The following NOL4L variants were observed in gnomAD, a reference collection of about 807,000 sequenced individuals.
NOL4L encodes the protein nucleolar protein 4 like, also known as nucleolar protein 4-like.
A neutral mutation model predicts 64.5 loss-of-function variants in NOL4L; 7 were observed. The ratio of observed to expected loss-of-function variants is 0.11; its 90% CI spans 0.06 to 0.20. NOL4L has a LOEUF of 0.20. Among genes scored for constraint, NOL4L ranks in the 10% least tolerant of loss-of-function variants. NOL4L has a pLI of 1.00. For synonymous variants in NOL4L, 413 were observed against 401.0 expected (o/e 1.03, Z -0.36); for missense variants, 680 against 967.1 (o/e 0.70, Z 3.94).
chr20:32,462,903 T>TGAAAAAAAAAAAAAA (rs1555790668), intron 5 of NOL4L, among the ~76,000 whole-genome samples: 1 of 76,668 alleles, frequency 1.3e-5, no homozygotes, highest in Non-Finnish European at 2.4e-5. Flanking sequence ...GACTCTGTCT[T>TGAAAAAAAAAAAAAA]AAAAAAAAAA....
Position 32,446,151 on chromosome 20 carries a change from T to TGGGGGCC in NOL4L, c.*1438_*1444dup, listed in dbSNP as rs1014412221. 6.6e-6 allele frequency: 1 copy of TGGGGGCC among 152,444 alleles called. No homozygotes were observed. The highest frequency in any genetic ancestry group is 1.5e-5 in the Non-Finnish European group (1 of 68,228). 9.4% of individuals were successfully genotyped at this position (152,444 alleles called of 1,614,324 possible). On this transcript the variant is annotated 3_prime_UTR_variant, in exon 11 of 11. Transcript: ENST00000621426. ...TACGGAGTGTTGCACGGAGAGGCCC[T>TGGGGGCC]GGGGGCCTGCTGAGGTCTGGGCGAG...
At chr20:32,470,270 A>G (rs1416623427) in intron 5 of NOL4L, among the ~76,000 whole-genome samples, 1 of 152,232 alleles carries the variant, frequency 6.6e-6, no homozygotes, top group Non-Finnish European at 1.5e-5. Flanking sequence ...GCTGAAGCAC[A>G]TCCAGGGGAA....
rs190971773 is a variant in NOL4L, at chr20:32,460,631, C to G, written c.842-4236G>C. On this transcript the variant is annotated intron_variant, in intron 5 of 10. Transcript: ENST00000621426. The surrounding 1 kb of genome is among the most constrained non-coding windows in gnomAD (Gnocchi z 5.7). ...ATGGGGCAGGAGCTCAAAAGGAAAC[C>G]CCAATTCCCTGCACCCCACATTTTC... Among the ~76,000 whole-genome samples, 448 of 152,278 alleles carry G rather than the reference C, an allele frequency of 2.9e-3. 3 individuals carry two copies. The highest frequency in any genetic ancestry group is 0.01 in the African/African-American group (419 of 41,550).
At chr20:32,484,190 C>T (rs2015938442) in intron 4 of NOL4L, among the ~76,000 whole-genome samples, 1 of 152,128 alleles carries the variant, frequency 6.6e-6, no homozygotes, top group Non-Finnish European at 1.5e-5. Flanking sequence ...TCTTTCGGGT[C>T]CCCAGGGACG....
At chr20:32,570,752 G>T (rs1486584095) in intron 1 of NOL4L, among the ~76,000 whole-genome samples, 1 of 152,202 alleles carries the variant, frequency 6.6e-6, no homozygotes, top group East Asian at 1.9e-4. Flanking sequence ...GACCTGCACA[G>T]GGAGCTGGGC....
chr20:32,457,840 C>G (rs1167979789), intron 5 of NOL4L, among the ~76,000 whole-genome samples: 1 of 152,182 alleles, frequency 6.6e-6, no homozygotes. Context: ...TCCCGGCCCG[C>G]GCTGGCTGTC....
chr20:32,542,577 C>G (rs970683380), intron 1 of NOL4L, among the ~76,000 whole-genome samples: 1 of 152,132 alleles, frequency 6.6e-6, no homozygotes, highest in African/African-American at 2.4e-5. Context: ...TGGTCTCGAA[C>G]TACTGGGCTC....
intron 1 of NOL4L, among the ~76,000 whole-genome samples, chr20:32,575,418 CCTATGCTCTGCT>C (rs573016442): frequency 1.1e-3 from 165 of 152,358 alleles, no homozygotes; most frequent in Middle Eastern, 0.01. Context: ...AATGAGCTTC[CCTATGCTCTGCT>C]CTTGCTGAAA....
intron 3 of NOL4L, among the ~76,000 whole-genome samples, chr20:32,518,062 AACAGGGCTGC>A (rs2017752467): frequency 6.6e-6 from 1 of 152,110 alleles, no homozygotes; most frequent in African/African-American, 2.4e-5. Context: ...CACAGTGGGG[AACAGGGCTGC>A]ACACCAGACC....
intron 9 of NOL4L, 128 bp downstream of exon 9, chr20:32,452,756 C>T: frequency 3.5e-6 from 5 of 1,428,018 alleles, no homozygotes; most frequent in Non-Finnish European, 4.8e-6. Context: ...CTTGTCTTTG[C>T]CCTCCTGTTC....
intron 1 of NOL4L, chr20:32,535,694 AGC>A: frequency 1.0e-6 from 1 of 985,460 alleles, no homozygotes; most frequent in Non-Finnish European, 1.2e-6. Flanking sequence ...TCCTCCAAGC[AGC>A]TCTGAGTCTT....
At chr20:32,503,950 C>A (rs1212184603) in intron 4 of NOL4L, among the ~76,000 whole-genome samples, 1 of 152,006 alleles carries the variant, frequency 6.6e-6, no homozygotes, top group African/African-American at 2.4e-5. Flanking sequence ...ATACCCAATG[C>A]CATTTAAGAA....
rs551319153 is a variant in NOL4L at position 32,530,503 on chromosome 20, C to T, written c.322-2590G>A. ...TTGCAGTGAGCCGAGATCGCGCCAC[C>T]GCACTCCAGCCTGGGCAACAGAGCG... On this transcript the variant is annotated intron_variant, in intron 1 of 10. Transcript: ENST00000621426. Among the ~76,000 whole-genome samples, 477 of 151,324 alleles carry T rather than the reference C, an allele frequency of 3.2e-3. 5 individuals are homozygous for T. The highest frequency in any genetic ancestry group is 0.011 in the African/African-American group (437 of 41,166).
At chr20:32,522,843 G>A (rs977794941) in intron 2 of NOL4L, among the ~76,000 whole-genome samples, 1 of 152,238 alleles carries the variant, frequency 6.6e-6, no homozygotes, top group Non-Finnish European at 1.5e-5. Context: ...TCAGTGGAGG[G>A]CCCGGGGGAG....
chr20:32,584,777 C>G lies in NOL4L; in HGVS notation c.114G>C (p.Ser38=). ...TGCGTGTCACCGTCTTGGTTTTGGC[C>G]GAGTCGCCGTAGGTGCGCAAGCACC... ...RDWCLRTYGD[S]AKTKTVTRSK... is the part of the protein sequence containing the mutation. Residue 38 remains serine, a synonymous_variant, in exon 1 of 11, where the codon TCG becomes TCC. Transcript: ENST00000621426. The G allele has an allele frequency of 6.5e-7, 1 of 1,542,180 alleles. No homozygotes were observed.
intron 5 of NOL4L, 148 bp downstream of exon 5, chr20:32,474,453 G>C (rs893485818): frequency 3.4e-6 from 3 of 872,896 alleles, no homozygotes; most frequent in Non-Finnish European, 4.9e-6. Flanking sequence ...GAGAACACTG[G>C]GGGCAGTGCA....
chr20:32,456,608 G>A (rs1285312853), intron 5 of NOL4L, among the ~76,000 whole-genome samples: 1 of 152,186 alleles, frequency 6.6e-6, no homozygotes, highest in East Asian at 1.9e-4. Flanking sequence ...CATCAGGAGG[G>A]GTGTGGCCAG....
In NOL4L at chr20:32,447,732, CTGCTGGTGCTGG is replaced by C. The variant is rs749342775; in HGVS notation, c.1895_1906del (p.Thr632_Ser635del). 2 of 1,586,038 alleles carry C rather than the reference CTGCTGGTGCTGG, an allele frequency of 1.3e-6. No individual in the cohort carries two copies. The highest frequency in any genetic ancestry group is 1.7e-6 in the Non-Finnish European group (2 of 1,164,408). On this transcript the variant is annotated inframe_deletion, in exon 11 of 11. Coordinates refer to ENST00000621426, the MANE Select transcript of NOL4L (RefSeq NM_001256798.2). Reference sequence around the variant, plus strand: ...GCTGAGCTGAGCGGTGGGCACGGGCCTGCTGGTGCTGGTGCTGGAGGGGGTGGGCGTGGGGGT... The same window carrying C: ...GCTGAGCTGAGCGGTGGGCACGGGCCTGCTGGAGGGGGTGGGCGTGGGGGT...
At chr20:32,522,053 C>T (rs568398946) in intron 2 of NOL4L, among the ~76,000 whole-genome samples, 114 of 152,302 alleles carry the variant, frequency 7.5e-4, no homozygotes, top group Non-Finnish European at 1.3e-3. Flanking sequence ...CCTTCTCCAT[C>T]TCTGTGATGG....
Sources: gnomAD v4.1 joint callset for allele counts (sites outside exome capture counted in the v4.1 genomes callset) on GRCh38, gnomAD v4.1.1 for gene constraint, Gnocchi (gnomAD v3.1) non-coding constraint, MANE v1.5 for transcripts, NCBI Gene and HGNC (gene_info 2026-07-23, HGNC 2026-07-21) for gene names.